PBX1: variants seen among roughly 807,000 people sequenced by gnomAD.
The protein encoded by PBX1 is pre-B-cell leukemia transcription factor 1.
Under a neutral mutation model 53.4 loss-of-function variants are expected in PBX1, and 6 were observed. That is an observed-to-expected ratio of 0.11 (90% CI 0.06 to 0.22). The LOEUF is 0.22. PBX1 is among the 10% of genes least tolerant of loss of function. The pLI is 1.00. For missense variants in PBX1, 251 were observed against 551.4 expected (o/e 0.46, Z 5.46); for synonymous variants, 204 against 212.3 (o/e 0.96, Z 0.34).
chr1:164,595,596 TG>T (rs747356181), intron 2 of PBX1, among the ~76,000 whole-genome samples: 16 of 152,116 alleles, frequency 1.1e-4, no homozygotes, highest in Non-Finnish European at 2.1e-4. Flanking sequence ...AGCTCAGCTT[TG>T]CTTTTAGTAG....
intron 2 of PBX1, among the ~76,000 whole-genome samples, chr1:164,753,064 G>A (rs910013413): frequency 2.6e-5 from 4 of 152,174 alleles, no homozygotes; most frequent in South Asian, 2.1e-4. Flanking sequence ...AAATTTTCCA[G>A]CAACGGGGCT....
intron 5 of PBX1, among the ~76,000 whole-genome samples, chr1:164,810,272 A>G (rs1669542318): frequency 6.6e-6 from 1 of 152,166 alleles, no homozygotes; most frequent in Non-Finnish European, 1.5e-5. Flanking sequence ...CCTAGTGCCT[A>G]ACGCGTATTA....
chr1:164,882,574 C>T lies in PBX1; in HGVS notation n.258-16614C>T, dbSNP rs761833511. Among the ~76,000 whole-genome samples the T allele has an allele frequency of 1.4e-4, 22 of 152,254 alleles. No individual in the cohort carries two copies. The East Asian group carries it at 1.5e-3, about 11-fold the overall frequency. The stretch of plus-strand genomic sequence containing the variant: ...GCTAGAGTACTTTCTACTGAACTAA[C>T]GCATATTTTTTTACTTTAATATTCT... On this transcript the variant is annotated intron_variant and non_coding_transcript_variant, in intron 2 of 2. Coordinates refer to the PBX1 transcript ENST00000558796.
intron 2 of PBX1, among the ~76,000 whole-genome samples, chr1:164,606,469 G>A (rs1656567334): frequency 6.6e-6 from 1 of 152,112 alleles, no homozygotes; most frequent in Non-Finnish European, 1.5e-5. Context: ...GGAGGCGGAG[G>A]TTGCAGTGAG....
chr1:164,698,417 A>G (rs1662913195), intron 2 of PBX1, among the ~76,000 whole-genome samples: 1 of 152,176 alleles, frequency 6.6e-6, no homozygotes, highest in African/African-American at 2.4e-5. Flanking sequence ...GGTTGAACAG[A>G]AGGAATTACA....
chr1:164,673,753 A>G (rs1008520652), intron 2 of PBX1, among the ~76,000 whole-genome samples: 2 of 152,144 alleles, frequency 1.3e-5, no homozygotes, highest in African/African-American at 4.8e-5. Context: ...CTTCTCAACT[A>G]GATGAAACTT....
chr1:164,846,810 C>G lies in PBX1; in HGVS notation c.*134C>G. Reference sequence around the variant, plus strand: ...CAGCAAACACAATAAGAGTCTCCTTCTCTTCTCTTCTTTGGGATGCTATTT... The same window carrying G: ...CAGCAAACACAATAAGAGTCTCCTTGTCTTCTCTTCTTTGGGATGCTATTT... On this transcript the variant is annotated 3_prime_UTR_variant, in exon 9 of 9. Coordinates refer to ENST00000420696, the MANE Select transcript of PBX1 (RefSeq NM_002585.4). 1 of 1,515,788 alleles carries G rather than the reference C, an allele frequency of 6.6e-7. No individual in the cohort carries two copies. Among genetic ancestry groups the G allele is most frequent in the Non-Finnish European group, 8.8e-7 (1 of 1,132,696 alleles). 93.9% of individuals were successfully genotyped at this position (1,515,788 alleles called of 1,614,324 possible). A position where few individuals can be genotyped will look rare whatever the true frequency, so the allele number is the denominator to read the frequency against.
At chr1:164,836,445 G>C (rs529414526) in intron 8 of PBX1, among the ~76,000 whole-genome samples, 2 of 152,266 alleles carry the variant, frequency 1.3e-5, no homozygotes, top group African/African-American at 4.8e-5. Context: ...ATAAAAGAGG[G>C]TGTCCCCCAG....
chr1:164,573,516 G>A (rs1285676365), intron 2 of PBX1, among the ~76,000 whole-genome samples: 2 of 126,440 alleles, frequency 1.6e-5, no homozygotes. Flanking sequence ...TTTAAAGACA[G>A]TGTCTCTCTC....
intron 2 of PBX1, among the ~76,000 whole-genome samples, chr1:164,630,249 C>T (rs1406945944): frequency 2.6e-5 from 4 of 152,048 alleles, no homozygotes; most frequent in East Asian, 1.9e-4. Context: ...TCTTGGATGA[C>T]GTGAAAAAGA....
chr1:164,707,805 C>G (rs183895977), intron 2 of PBX1, among the ~76,000 whole-genome samples: 2 of 152,124 alleles, frequency 1.3e-5, no homozygotes, highest in Non-Finnish European at 2.9e-5. Context: ...GGGTGTTAGC[C>G]CCTTAAAGTG....
chr1:164,661,647 G>A (rs772130760), intron 2 of PBX1, among the ~76,000 whole-genome samples: 17 of 151,822 alleles, frequency 1.1e-4, no homozygotes, highest in Non-Finnish European at 1.9e-4. Context: ...GGCTGATCTC[G>A]AAACCCTGAC....
chr1:164,683,143 T>C (rs1196034127), intron 2 of PBX1: 1 of 152,246 alleles, frequency 6.6e-6, no homozygotes, highest in Non-Finnish European at 1.5e-5. Flanking sequence ...ATCCTGTATT[T>C]GCATGGCCCT....
chr1:164,871,124 A>G (rs1048713227), intron 2 of PBX1, among the ~76,000 whole-genome samples: 5 of 152,256 alleles, frequency 3.3e-5, no homozygotes, highest in Non-Finnish European at 7.3e-5. Context: ...TGCAGAGTTG[A>G]TGATCTTGTC....
At chr1:164,629,735 C>T (rs1571104523) in intron 2 of PBX1, among the ~76,000 whole-genome samples, 1 of 152,224 alleles carries the variant, frequency 6.6e-6, no homozygotes, top group African/African-American at 2.4e-5. Flanking sequence ...TAAAAAGTGG[C>T]TGTAGCCATA....
rs1671442461 is a variant in PBX1 at position 164,844,118 on chromosome 1, T to TC, written c.1201-2466_1201-2465insC. On this transcript the variant is annotated intron_variant, in intron 8 of 8. Coordinates refer to ENST00000420696, the MANE Select transcript of PBX1 (RefSeq NM_002585.4). ...TTTTTTCTTTCTTTCTTTCTTTCTT[T>TC]TTTTTTTTTTTTTTACCAGAATTTT... 7.4e-5 allele frequency among the ~76,000 whole-genome samples: 11 copies of TC among 148,308 alleles called. 1 individual carries two copies. In the East Asian group the frequency reaches 1.8e-3, roughly 24 times the overall value.
chr1:164,604,109 C>T (rs1780368), intron 2 of PBX1, among the ~76,000 whole-genome samples: 148,805 of 152,010 alleles, frequency 0.98, 72,912 homozygotes, highest in Middle Eastern at 1. Context: ...TCCAGCTAAT[C>T]TTTTGTATTT....
chr1:164,637,582 A>G (rs1658857107), intron 2 of PBX1, among the ~76,000 whole-genome samples: 1 of 152,258 alleles, frequency 6.6e-6, no homozygotes, highest in East Asian at 1.9e-4. Context: ...GATTTGCTCA[A>G]TAAGTTGATG....
chr1:164,746,996 AT>A (rs1665928589), intron 2 of PBX1, among the ~76,000 whole-genome samples: 1 of 152,102 alleles, frequency 6.6e-6, no homozygotes, highest in Admixed American at 6.5e-5. Context: ...AAATCACTGC[AT>A]TTTTTCATTT....
Sources: allele counts gnomAD v4.1 joint callset (sites outside exome capture counted in the v4.1 genomes callset), GRCh38; gene constraint gnomAD v4.1.1; transcripts MANE v1.5; gene names NCBI Gene and HGNC (gene_info 2026-07-23, HGNC 2026-07-21).